ADGB: variants seen among roughly 807,000 people sequenced by gnomAD.
ADGB encodes androglobin, also known as calpain-7-like protein.
ADGB carries 172 observed loss-of-function variants against 210.5 expected under a neutral mutation model. The ratio of observed to expected loss-of-function variants is 0.82; its 90% CI spans 0.72 to 0.93. The LOEUF is 0.93. ADGB is among the 40% of genes least tolerant of loss of function. The pLI, the probability that ADGB is intolerant of heterozygous loss-of-function variation, is 0.00. For synonymous variants in ADGB, 658 were observed against 662.7 expected, an observed-to-expected ratio of 0.99 and a Z score of 0.11; for missense variants, 2,025 against 1,964.8, an observed-to-expected ratio of 1.03 and a Z score of -0.58.
chr6:146,656,992 T>G lies in ADGB; in HGVS notation c.612+12T>G. ...AACTTTACTGGATGGTAAGTCCATT[T>G]TCGTGTGCATAAAAACTCATGAGTC... On this transcript the variant is annotated intron_variant, in intron 5 of 35. Transcript: ENST00000397944. 6.5e-7 allele frequency: 1 copy of G among 1,539,088 alleles called. No homozygotes were observed. Among genetic ancestry groups the G allele is most frequent in the Non-Finnish European group, 8.8e-7 (1 of 1,136,144 alleles).
chr6:146,644,313 T>A (rs1004850726), intron 2 of ADGB, among the ~76,000 whole-genome samples: 6 of 151,868 alleles, frequency 4.0e-5, no homozygotes, highest in Non-Finnish European at 7.4e-5. Context: ...GAAAATCAGG[T>A]CAAACATCCA....
intron 35 of ADGB, among the ~76,000 whole-genome samples, chr6:146,812,986 C>A (rs1336138408): frequency 6.6e-6 from 1 of 152,138 alleles, no homozygotes; most frequent in Non-Finnish European, 1.5e-5. Flanking sequence ...TTCCCTTTGG[C>A]GTAATGAGTT....
intron 35 of ADGB, chr6:146,802,824 C>A: frequency 6.2e-7 from 1 of 1,609,238 alleles, no homozygotes; most frequent in Non-Finnish European, 8.5e-7. Context: ...TAAGCATCTA[C>A]ATCCTTAGCT....
chr6:146,767,562 G>A (rs2114629428), intron 28 of ADGB, among the ~76,000 whole-genome samples: 1 of 152,086 alleles, frequency 6.6e-6, no homozygotes, highest in Middle Eastern at 3.4e-3. Context: ...TCCACCTACG[G>A]GGTTCAAGTG....
intron 27 of ADGB, 142 bp from the exon 28 acceptor site, chr6:146,763,758 CA>C (rs1159450754): frequency 1.9e-5 from 14 of 740,214 alleles, no homozygotes; most frequent in Non-Finnish European, 2.8e-5. Context: ...AACAATAAAC[CA>C]AAAACACTGT....
intron 1 of ADGB, among the ~76,000 whole-genome samples, chr6:146,610,100 G>C (rs773277079): frequency 6.6e-6 from 1 of 152,106 alleles, no homozygotes; most frequent in Non-Finnish European, 1.5e-5. Flanking sequence ...CTCAAACTCT[G>C]AGATCATTTC....
Position 146,634,238 on chromosome 6 carries a change from T to C in ADGB, c.75-1137T>C, listed in dbSNP as rs144004493. On this transcript the variant is annotated intron_variant, in intron 1 of 35. Coordinates refer to ENST00000397944, the MANE Select transcript of ADGB (RefSeq NM_024694.4). ...TGTGTTGCAGGCTATACCATTTGTGTAGTGTGCTTACTAGGTTTGTGTAAG... is the reference window on the plus strand; with the variant it reads ...TGTGTTGCAGGCTATACCATTTGTGCAGTGTGCTTACTAGGTTTGTGTAAG... Among the ~76,000 whole-genome samples the C allele has an allele frequency of 2.6e-5, 4 of 152,250 alleles. No homozygotes were observed. The East Asian group carries it at 7.7e-4, about 29-fold the overall frequency.
At chr6:146,676,580 T>C in intron 9 of ADGB, 139 bp downstream of exon 9, 1 of 823,820 alleles carries the variant, frequency 1.2e-6, no homozygotes, top group Non-Finnish European at 1.7e-6. Context: ...TGTTGGGTTC[T>C]CAGATGGGTG....
At chr6:146,759,160 A>AC (rs1418164016) in intron 27 of ADGB, among the ~76,000 whole-genome samples, 1 of 151,808 alleles carries the variant, frequency 6.6e-6, no homozygotes, top group African/African-American at 2.4e-5. Flanking sequence ...GGTACACACT[A>AC]CCTTGATAGG....
intron 3 of ADGB, among the ~76,000 whole-genome samples, chr6:146,650,672 T>G (rs1775688568): frequency 7.9e-6 from 1 of 125,924 alleles, no homozygotes; most frequent in African/African-American, 3.1e-5. Flanking sequence ...TCTCCCCTAG[T>G]GAGGAGAGGA....
intron 9 of ADGB, among the ~76,000 whole-genome samples, chr6:146,676,883 G>A (rs147566422): frequency 1.8e-4 from 28 of 152,284 alleles, no homozygotes; most frequent in Non-Finnish European, 3.8e-4. Context: ...TGAGGCCGGA[G>A]ACTCTGGAAG....
chr6:146,712,090 C>A (rs768877830), intron 13 of ADGB, among the ~76,000 whole-genome samples: 1 of 150,872 alleles, frequency 6.6e-6, no homozygotes, highest in African/African-American at 2.4e-5. Context: ...TATTCTGATT[C>A]TTGATCTTTT....
intron 33 of ADGB, among the ~76,000 whole-genome samples, chr6:146,800,389 C>A (rs1255383764): frequency 6.6e-6 from 1 of 152,132 alleles, no homozygotes; most frequent in Non-Finnish European, 1.5e-5. Flanking sequence ...TTATAGGACA[C>A]AAGAGAGATC....
chr6:146,654,604 G>A (rs1041830884), intron 4 of ADGB, among the ~76,000 whole-genome samples: 1 of 151,990 alleles, frequency 6.6e-6, no homozygotes, highest in African/African-American at 2.4e-5. Context: ...CCTCCCACAC[G>A]GCCTCCCAAA....
intron 9 of ADGB, among the ~76,000 whole-genome samples, chr6:146,678,026 G>A (rs1394014715): frequency 6.6e-6 from 1 of 152,180 alleles, no homozygotes; most frequent in East Asian, 1.9e-4. Context: ...GCATAAATAT[G>A]AGGGTGGCCA....
intron 1 of ADGB, among the ~76,000 whole-genome samples, chr6:146,599,357 T>C (rs1780519067): frequency 6.6e-6 from 1 of 152,180 alleles, no homozygotes; most frequent in South Asian, 2.1e-4. Flanking sequence ...TCAGCTCCCA[T>C]GGGTGAATCT....
chr6:146,660,715 A>G lies in ADGB; in HGVS notation c.613-3486A>G, dbSNP rs141397320. Among the ~76,000 whole-genome samples, 683 of 152,272 alleles carry G rather than the reference A, an allele frequency of 4.5e-3. 4 individuals are homozygous for G. The highest frequency in any genetic ancestry group is 0.014 in the African/African-American group (591 of 41,564). On this transcript the variant is annotated intron_variant, in intron 5 of 35. Transcript: ENST00000397944. ...GCTGTAAAATTTCATCTTTATGTAT[A>G]TAGTCTTTGCCCATTTGTACGGACT...
chr6:146,692,791 A>T (rs2114924564), intron 11 of ADGB, 34 bp from the exon 12 acceptor site: 1 of 1,183,212 alleles, frequency 8.5e-7, no homozygotes, highest in Non-Finnish European at 1.2e-6. Flanking sequence ...ATTTTTTTAA[A>T]TGTACATCAT....
intron 20 of ADGB, 36 bp from the exon 21 acceptor site, chr6:146,733,084 T>C: frequency 7.1e-7 from 1 of 1,407,124 alleles, no homozygotes; most frequent in Non-Finnish European, 9.4e-7. Context: ...CAGATGATGG[T>C]ATTTTCTTGC....
Sources: allele counts gnomAD v4.1 joint callset (sites outside exome capture counted in the v4.1 genomes callset), GRCh38; gene constraint gnomAD v4.1.1; transcripts MANE v1.5; gene names NCBI Gene and HGNC (gene_info 2026-07-23, HGNC 2026-07-21).